KRT83: variants seen among roughly 807,000 people sequenced by gnomAD.
KRT83 encodes keratin 83.
KRT83 carries 51 observed loss-of-function variants against 52.9 expected under a neutral mutation model. The ratio of observed to expected loss-of-function variants is 0.96; its 90% CI spans 0.77 to 1.22. The LOEUF (loss-of-function observed/expected upper bound fraction) is 1.22. Ranked by LOEUF, KRT83 falls within the 50% of genes most tolerant of loss-of-function variation. The probability of loss-of-function intolerance (pLI) is 0.00; values close to 1 mark genes in which losing one functional copy is unlikely to be tolerated. For synonymous variants in KRT83, 278 were observed against 274.1 expected (o/e 1.01, Z -0.14); for missense variants, 654 against 666.5 (o/e 0.98, Z 0.21).
At position 52,316,937 on chromosome 12, in the gene KRT83, G is replaced by A. The variant is rs2852464; in HGVS notation, c.837C>T (p.Ile279=). ...DNSRDLNMDC[I]VAEIKAQYDD... is the part of the protein sequence containing the mutation. ...CATACTGTGCCTTGATCTCGGCAACGATGCAGTCCATGTTCAGGTCCCGGC... is the reference window on the plus strand; with the variant it reads ...CATACTGTGCCTTGATCTCGGCAACAATGCAGTCCATGTTCAGGTCCCGGC... Residue 279 remains isoleucine, a synonymous_variant, in exon 5 of 9, where the codon ATC becomes ATT. Transcript: ENST00000293670. 31 of 1,613,606 alleles carry A rather than the reference G, an allele frequency of 1.9e-5. No individual in the cohort carries two copies. Among genetic ancestry groups the A allele is most frequent in the Non-Finnish European group, 2.4e-5 (28 of 1,179,936 alleles).
At position 52,316,483 on chromosome 12, in the gene KRT83, C is replaced by T; in HGVS notation, c.1026G>A (p.Glu342=). The T allele has an allele frequency of 6.2e-7, 1 of 1,614,160 alleles. No individual in the cohort carries two copies. The highest frequency in any genetic ancestry group is 8.5e-7 in the Non-Finnish European group (1 of 1,180,028). ...RMIQRLTAEV[E]NAKCQNSKLE... is the part of the protein sequence containing the mutation. ...GCTCTGGTACCTGGCACTTGGCATT[C>T]TCCACCTCGGCTGTCAGCCTCTGGA... The change falls in exon 6 of 9, where the codon GAG becomes GAA. Residue 342 remains glutamate, a synonymous_variant. Coordinates refer to ENST00000293670, the MANE Select transcript of KRT83 (RefSeq NM_002282.3).
In KRT83 at chr12:52,314,902, G is replaced by C. The variant is rs918176759; in HGVS notation, c.1295-84C>G. On this transcript the variant is annotated intron_variant, in intron 8 of 8. Transcript: ENST00000293670. The stretch of plus-strand genomic sequence containing the variant: ...CTTCCTTTGGTCTGTCTGATGTGTC[G>C]ACCATCCAGGGAAGGATGCAAAGAG... 7 of 1,329,856 alleles carry C rather than the reference G, an allele frequency of 5.3e-6. No homozygotes were observed. The East Asian group carries it at 1.7e-4, about 33-fold the overall frequency. 82.4% of individuals were successfully genotyped at this position (1,329,856 alleles called of 1,614,324 possible).
intron 7 of KRT83, 90 bp from the exon 8 acceptor site, chr12:52,315,433 A>C: frequency 4.0e-5 from 53 of 1,329,554 alleles, no homozygotes; most frequent in Non-Finnish European, 5.3e-5. Flanking sequence ...GGGTCATCTC[A>C]GGGCTATTTC....
rs753918513 is a variant in KRT83, at chr12:52,316,126, G to C, written c.1042-13C>G. 1 of 1,613,424 alleles carries C rather than the reference G, an allele frequency of 6.2e-7. No individual in the cohort carries two copies. The highest frequency in any genetic ancestry group is 1.3e-5 in the African/African-American group (1 of 74,918). Reference sequence around the variant, plus strand: ...CCAGCTTGGAGTTCTGGGAGGTAGGGGGAATATGGAGAGGATAAAGTGAAG... The same window carrying C: ...CCAGCTTGGAGTTCTGGGAGGTAGGCGGAATATGGAGAGGATAAAGTGAAG... On this transcript the variant is annotated splice_polypyrimidine_tract_variant and intron_variant, in intron 6 of 8. Coordinates refer to ENST00000293670, the MANE Select transcript of KRT83 (RefSeq NM_002282.3).
intron 1 of KRT83, among the ~76,000 whole-genome samples, chr12:52,320,205 G>A (rs1483327537): frequency 6.6e-6 from 1 of 152,062 alleles, no homozygotes; most frequent in East Asian, 1.9e-4. Flanking sequence ...CATCTCTCTA[G>A]TGTGACTCCT....
chr12:52,319,069 C>T (rs1371181205), intron 2 of KRT83, 87 bp downstream of exon 2: 2 of 1,592,538 alleles, frequency 1.3e-6, no homozygotes, highest in South Asian at 1.1e-5. Flanking sequence ...GGCAGAGATG[C>T]CAGCTGCAGA....
intron 5 of KRT83, 72 bp from the exon 6 acceptor site, chr12:52,316,665 G>A: frequency 6.2e-7 from 1 of 1,612,222 alleles, no homozygotes; most frequent in East Asian, 2.2e-5. Flanking sequence ...TCAGATGATT[G>A]CACAGATTGT....
rs559477397 is a variant in KRT83, at chr12:52,316,054, A to C, written c.1101T>G (p.Ser367Arg). Residue 367 changes from serine (S) to arginine (R), a missense_variant, in exon 7 of 9, where the codon AGT (serine) becomes AGG (arginine). Coordinates refer to ENST00000293670, the MANE Select transcript of KRT83 (RefSeq NM_002282.3). The stretch of plus-strand genomic sequence containing the variant: ...GCTCGGCCAGCTTGCAGCGGGCATC[A>C]CTGAGGGCCGCCTCACCCTGCTGCT... Reference protein sequence around the residue: ...QSEQQGEAALSDARCKLAELE... With the variant: ...QSEQQGEAALRDARCKLAELE... The C allele has an allele frequency of 2.0e-4, 322 of 1,613,746 alleles. No homozygotes were observed. Among genetic ancestry groups the C allele is most frequent in the Non-Finnish European group, 2.4e-4 (289 of 1,179,958 alleles).
chr12:52,315,418 G>T, intron 7 of KRT83, 75 bp from the exon 8 acceptor site: 1 of 1,434,366 alleles, frequency 7.0e-7, no homozygotes, highest in Non-Finnish European at 9.8e-7. Context: ...GCTAGGTGCT[G>T]AAATGGGTCA....
chr12:52,316,891 G>C lies in KRT83; in HGVS notation c.883C>G (p.Arg295Gly), dbSNP rs766710639. The C allele has an allele frequency of 3.1e-6, 5 of 1,614,020 alleles. No homozygotes were observed. Among genetic ancestry groups the C allele is most frequent in the Non-Finnish European group, 4.2e-6 (5 of 1,180,044 alleles). ...CGATACCAGGACTCGGCCTCAGCCC[G>C]GCTACGGGTGGCAATGTCATCATAC... Reference protein sequence around the residue: ...AQYDDIATRSRAEAESWYRSK... With the variant: ...AQYDDIATRSGAEAESWYRSK... The change falls in exon 5 of 9, where the codon CGG becomes GGG. Residue 295 changes from arginine (R) to glycine (G), a missense_variant. By Grantham distance (125) the Arg-to-Gly change is moderately radical. Coordinates refer to ENST00000293670, the MANE Select transcript of KRT83 (RefSeq NM_002282.3).
rs1295948549 is a variant in KRT83, at chr12:52,314,328, G to A, written c.*303C>T. On this transcript the variant is annotated 3_prime_UTR_variant, in exon 9 of 9. Transcript: ENST00000293670. Reference sequence around the variant, plus strand: ...AGGTCCCCAAGTTTATTGGAAAAGGGGAGACAAGAGGCCAGAGAGGCAGGG... The same window carrying A: ...AGGTCCCCAAGTTTATTGGAAAAGGAGAGACAAGAGGCCAGAGAGGCAGGG... 4.1e-6 allele frequency: 2 copies of A among 486,230 alleles called. No individual in the cohort carries two copies. Among genetic ancestry groups the A allele is most frequent in the South Asian group, 2.1e-5 (1 of 46,788 alleles). 30.1% of individuals were successfully genotyped at this position (486,230 alleles called of 1,614,324 possible). A position where few individuals can be genotyped will look rare whatever the true frequency, so the allele number is the denominator to read the frequency against.
chr12:52,316,212 A>C, intron 6 of KRT83, 99 bp from the exon 7 acceptor site: 1 of 1,496,892 alleles, frequency 6.7e-7, no homozygotes, highest in Admixed American at 2.0e-5. Flanking sequence ...ATCTTAAAAT[A>C]TTATCTCTCC....
chr12:52,320,878 C>T, intron 1 of KRT83, 74 bp downstream of exon 1: 2 of 1,613,040 alleles, frequency 1.2e-6, no homozygotes, highest in Non-Finnish European at 1.7e-6. Context: ...CCTTTGACTT[C>T]CCTGTCAGTG....
Position 52,314,685 on chromosome 12 carries a change from A to T in KRT83, c.1428T>A (p.Cys476Ter). The T allele has an allele frequency of 6.3e-7, 1 of 1,583,142 alleles. No individual in the cohort carries two copies. Among genetic ancestry groups the T allele is most frequent in the East Asian group, 2.3e-5 (1 of 43,702 alleles). Residue 476 changes from cysteine (C) to a stop codon, truncating the protein, a stop_gained, in exon 9 of 9, where the codon TGT (cysteine) becomes TGA (stop). Coordinates refer to ENST00000293670, the MANE Select transcript of KRT83 (RefSeq NM_002282.3). LOFTEE classifies it high-confidence loss of function. ...CTCCACAGGTGGTGTTCAGCTGGCCACAGGGCTTGCACAAACCAGTGCTCA... is the reference window on the plus strand; with the variant it reads ...CTCCACAGGTGGTGTTCAGCTGGCCTCAGGGCTTGCACAAACCAGTGCTCA... ...LVVSTGLCKP[C>*]GQLNTTCGGG...
At position 52,315,888 on chromosome 12, in the gene KRT83, C is replaced by G; in HGVS notation, c.1262+5G>C. 1 of 1,612,328 alleles carries G rather than the reference C, an allele frequency of 6.2e-7. No homozygotes were observed. Among genetic ancestry groups the G allele is most frequent in the Non-Finnish European group, 8.5e-7 (1 of 1,179,870 alleles). On this transcript the variant is annotated splice_donor_5th_base_variant and intron_variant, in intron 7 of 8. Coordinates refer to ENST00000293670, the MANE Select transcript of KRT83 (RefSeq NM_002282.3). ...GTGGAGTGCTTAGGGCTGGGTTGGACCCACCTCTGCTCCTCGCCCTCCAGC... is the reference window on the plus strand; with the variant it reads ...GTGGAGTGCTTAGGGCTGGGTTGGAGCCACCTCTGCTCCTCGCCCTCCAGC...
chr12:52,314,589 C>G lies in KRT83; in HGVS notation c.*42G>C. On this transcript the variant is annotated 3_prime_UTR_variant, in exon 9 of 9. Coordinates refer to ENST00000293670, the MANE Select transcript of KRT83 (RefSeq NM_002282.3). ...AGCTGGTGGTGGGGCAGTGGCACGTCTGGCAGGCAGAAGGGGCTCCCCTGG... is the reference window on the plus strand; with the variant it reads ...AGCTGGTGGTGGGGCAGTGGCACGTGTGGCAGGCAGAAGGGGCTCCCCTGG... 6.5e-7 allele frequency: 1 copy of G among 1,535,260 alleles called. No homozygotes were observed. Among genetic ancestry groups the G allele is most frequent in the South Asian group, 1.2e-5 (1 of 83,724 alleles).
Position 52,314,460 on chromosome 12 carries a change from C to T in KRT83, c.*171G>A, listed in dbSNP as rs1049664438. 1 of 699,820 alleles carries T rather than the reference C, an allele frequency of 1.4e-6. No individual in the cohort carries two copies. Among genetic ancestry groups the T allele is most frequent in the Admixed American group, 2.1e-5 (1 of 48,390 alleles). 43.4% of individuals were successfully genotyped at this position (699,820 alleles called of 1,614,324 possible). A position where few individuals can be genotyped will look rare whatever the true frequency, so the allele number is the denominator to read the frequency against. On this transcript the variant is annotated 3_prime_UTR_variant, in exon 9 of 9. Transcript: ENST00000293670. ...TGGGTCTATTCCCCAGCCACAGGCC[C>T]CTTTCCAGTGGGATGAAAGGTGGGG...
intron 2 of KRT83, among the ~76,000 whole-genome samples, chr12:52,318,176 TTTTTTG>T (rs995587041): frequency 6.6e-6 from 1 of 152,044 alleles, no homozygotes; most frequent in Non-Finnish European, 1.5e-5. Context: ...TCCCCTGTTT[TTTTTTG>T]TTTTTGTTTT....
intron 2 of KRT83, 122 bp downstream of exon 2, chr12:52,319,034 G>T: frequency 6.9e-7 from 1 of 1,447,198 alleles, no homozygotes; most frequent in South Asian, 1.1e-5. Context: ...CTCAAACAGG[G>T]GGTACAGGTT....
Sources: allele counts gnomAD v4.1 joint callset (sites outside exome capture counted in the v4.1 genomes callset), GRCh38; gene constraint gnomAD v4.1.1; transcripts MANE v1.5; gene names NCBI Gene and HGNC (gene_info 2026-07-23, HGNC 2026-07-21).